Variants in CRK observed in about 807,000 individuals in gnomAD.
CRK encodes CRK proto-oncogene, adaptor protein.
In CRK, 4 loss-of-function variants were observed where a neutral mutation model predicts 29.8. That is an observed-to-expected ratio of 0.13 (90% CI 0.07 to 0.31). CRK has a LOEUF of 0.31. Ranked by LOEUF, CRK falls within the 10% of genes least tolerant of loss-of-function variation. The pLI is 1.00. For missense variants in CRK, 274 were observed against 396.5 expected, an observed-to-expected ratio of 0.69 and a Z score of 2.62; for synonymous variants, 153 against 164.9, an observed-to-expected ratio of 0.93 and a Z score of 0.55.
In CRK at chr17:1,436,881, C is replaced by T. The variant is rs766938549; in HGVS notation, c.516G>A (p.Ala172=). The T allele has an allele frequency of 4.3e-6, 7 of 1,613,212 alleles. No homozygotes were observed. The highest frequency in any genetic ancestry group is 2.2e-5 in the East Asian group (1 of 44,878). The change falls in exon 2 of 3, where the codon GCG becomes GCA. Residue 172 remains alanine, a synonymous_variant. Coordinates refer to ENST00000300574, the MANE Select transcript of CRK (RefSeq NM_016823.4). ...RDKPEEQWWN[A]EDSEGKRGMI... ...TCCCTCTCTTGCCTTCGCTGTCCTC[C>T]GCATTCCACCACTGCTCTTCAGGCT... is the stretch of plus-strand genomic sequence containing the variant.
intron 1 of CRK, among the ~76,000 whole-genome samples, chr17:1,440,779 T>A (rs1467277049): frequency 2.0e-5 from 3 of 152,148 alleles, no homozygotes; most frequent in Non-Finnish European, 4.4e-5. Context: ...GGTGCATGTC[T>A]GTTAGTCCCA....
intron 2 of CRK, among the ~76,000 whole-genome samples, chr17:1,426,900 T>C (rs2073784030): frequency 6.6e-6 from 1 of 150,988 alleles, no homozygotes; most frequent in Non-Finnish European, 1.5e-5. Context: ...GGCATAGTAG[T>C]GTGCGCCTGT....
intron 1 of CRK, among the ~76,000 whole-genome samples, chr17:1,449,190 G>C (rs2150912814): frequency 6.6e-6 from 1 of 152,210 alleles, no homozygotes; most frequent in East Asian, 1.9e-4. Flanking sequence ...CAACAGGTCG[G>C]ATGAGCAGGT....
intron 2 of CRK, among the ~76,000 whole-genome samples, chr17:1,434,246 A>G (rs991837950): frequency 4.6e-5 from 7 of 152,176 alleles, no homozygotes; most frequent in African/African-American, 1.7e-4. Context: ...ATTCACCTGC[A>G]TCAGAGATGG....
At chr17:1,450,956 G>A (rs1301025111) in intron 1 of CRK, among the ~76,000 whole-genome samples, 1 of 151,958 alleles carries the variant, frequency 6.6e-6, no homozygotes, top group Non-Finnish European at 1.5e-5. Context: ...ACTTTAGGAG[G>A]CCGAGGCAGG....
intron 2 of CRK, among the ~76,000 whole-genome samples, chr17:1,430,029 T>C (rs148645481): frequency 0.035 from 5,358 of 151,440 alleles, 123 homozygotes; most frequent in East Asian, 0.086. Flanking sequence ...ATAATGGCTA[T>C]GCCATAACTC....
At chr17:1,428,394 G>C (rs2073802849) in intron 2 of CRK, among the ~76,000 whole-genome samples, 1 of 151,910 alleles carries the variant, frequency 6.6e-6, no homozygotes, top group African/African-American at 2.4e-5. Flanking sequence ...TGGGATTACA[G>C]GTGTGAGCCA....
chr17:1,431,689 G>C (rs1305999233), intron 2 of CRK, among the ~76,000 whole-genome samples: 1 of 152,134 alleles, frequency 6.6e-6, no homozygotes, highest in Non-Finnish European at 1.5e-5. Context: ...CCAGGCTGAA[G>C]CCATCCTCCC....
At chr17:1,446,586 A>C (rs906263518) in intron 1 of CRK, among the ~76,000 whole-genome samples, 1 of 137,824 alleles carries the variant, frequency 7.3e-6, no homozygotes, top group Admixed American at 8.3e-5. Flanking sequence ...TGGGCTCACT[A>C]TGACTTTTTT....
At chr17:1,424,272 G>A (rs2073755482) in intron 2 of CRK, among the ~76,000 whole-genome samples, 1 of 151,982 alleles carries the variant, frequency 6.6e-6, no homozygotes, top group Non-Finnish European at 1.5e-5. Flanking sequence ...TCACCATCTT[G>A]GCCAGGCTGG....
At chr17:1,426,867 A>AAAAT (rs1313032716) in intron 2 of CRK, among the ~76,000 whole-genome samples, 1 of 151,518 alleles carries the variant, frequency 6.6e-6, no homozygotes, top group African/African-American at 2.4e-5. Flanking sequence ...CTCAAAAAAT[A>AAAAT]AAATAAATAA....
At chr17:1,443,991 C>G (rs1311778415) in intron 1 of CRK, among the ~76,000 whole-genome samples, 1 of 151,918 alleles carries the variant, frequency 6.6e-6, no homozygotes, top group Non-Finnish European at 1.5e-5. Context: ...TGAGCCACCC[C>G]GCCTGGCCTA....
chr17:1,424,802 T>C (rs1045912056), intron 2 of CRK: 5 of 152,012 alleles, frequency 3.3e-5, no homozygotes, highest in Non-Finnish European at 7.3e-5. Context: ...TTGCTTCAGC[T>C]CAGGAGTTTT....
rs563578598 is a variant in CRK at position 1,437,188 on chromosome 17, A to G, written c.242-33T>C. ...AAACAGAGCAGGCTGTTATTTAATG[A>G]TGTACTACACTGGAAATGAAATGCA... is the stretch of plus-strand genomic sequence containing the variant. On this transcript the variant is annotated intron_variant, in intron 1 of 2. Coordinates refer to ENST00000300574, the MANE Select transcript of CRK (RefSeq NM_016823.4). 5.2e-6 allele frequency: 8 copies of G among 1,550,480 alleles called. No individual in the cohort carries two copies. In the East Asian group the frequency reaches 1.6e-4, roughly 31 times the overall value.
At chr17:1,432,160 T>C (rs2073849634) in intron 2 of CRK, among the ~76,000 whole-genome samples, 1 of 152,108 alleles carries the variant, frequency 6.6e-6, no homozygotes, top group Non-Finnish European at 1.5e-5. Context: ...CTCTGTGGGA[T>C]GGGATTTGAG....
intron 2 of CRK, among the ~76,000 whole-genome samples, chr17:1,427,233 C>T (rs924179700): frequency 7.0e-6 from 1 of 142,506 alleles, no homozygotes; most frequent in African/African-American, 2.6e-5. Context: ...TGAGCTGTAG[C>T]AAGCCAAGTG....
intron 1 of CRK, among the ~76,000 whole-genome samples, chr17:1,439,102 G>C (rs1307891703): frequency 1.3e-5 from 2 of 151,900 alleles, no homozygotes; most frequent in East Asian, 1.9e-4. Flanking sequence ...GGGATCATAG[G>C]TGTGGGACAC....
chr17:1,439,945 G>C (rs932155030), intron 1 of CRK, among the ~76,000 whole-genome samples: 1 of 151,984 alleles, frequency 6.6e-6, no homozygotes, highest in Non-Finnish European at 1.5e-5. Flanking sequence ...TTAAGTGCAG[G>C]ATTTTGAGAC....
intron 2 of CRK, among the ~76,000 whole-genome samples, chr17:1,425,520 G>A (rs535828523): frequency 6.6e-6 from 1 of 152,040 alleles, no homozygotes; most frequent in Non-Finnish European, 1.5e-5. Flanking sequence ...TTAGCCTCCC[G>A]AGTAGCTGAG....
Sources: allele counts gnomAD v4.1 joint callset (sites outside exome capture counted in the v4.1 genomes callset), GRCh38; gene constraint gnomAD v4.1.1; transcripts MANE v1.5; gene names NCBI Gene and HGNC (gene_info 2026-07-23, HGNC 2026-07-21).